Variants in SMARCAD1 observed in about 807,000 individuals in gnomAD.
SMARCAD1 encodes SWI/SNF-related matrix-associated actin-dependent regulator of chromatin subfamily A containing DEAD/H box 1.
A neutral mutation model predicts 127.1 loss-of-function variants in SMARCAD1; 25 were observed. The observed-to-expected ratio is 0.20, with a 90% CI of 0.14 to 0.27. The LOEUF (loss-of-function observed/expected upper bound fraction) is 0.27, where lower values mean the gene tolerates loss of function less well. Among genes scored for constraint, SMARCAD1 ranks in the 10% least tolerant of loss-of-function variants. The pLI, the probability that SMARCAD1 is intolerant of heterozygous loss-of-function variation, is 1.00. For synonymous variants in SMARCAD1, 400 were observed against 396.9 expected (o/e 1.01, Z -0.09); for missense variants, 807 against 1,206.0 (o/e 0.67, Z 4.90).
At chr4:94,243,027 C>T (rs1373812187) in intron 6 of SMARCAD1, among the ~76,000 whole-genome samples, 4 of 152,164 alleles carry the variant, frequency 2.6e-5, no homozygotes, top group Non-Finnish European at 4.4e-5. Context: ...GGCATGATCT[C>T]GGCTCACTGA....
Position 94,208,530 on chromosome 4 carries a change from G to T in SMARCAD1, c.136G>T (p.Glu46Ter). 6.2e-7 allele frequency: 1 copy of T among 1,614,164 alleles called. No homozygotes were observed. The highest frequency in any genetic ancestry group is 8.5e-7 in the Non-Finnish European group (1 of 1,180,024). The change falls in exon 2 of 24, where the codon GAA becomes TAA. Residue 46 changes from glutamate (E) to a stop codon, truncating the protein, a stop_gained. Transcript: ENST00000354268. LOFTEE classifies it high-confidence loss of function. Reference protein sequence around the residue: ...ISLSAEEENAEGEVSRANTPD... With the variant: ...ISLSAEEENA Reference sequence around the variant, plus strand: ...TCTTAGTGCTGAAGAGGAGAATGCTGAAGGGGAAGTTAGCAGGGCAAACAC... The same window carrying T: ...TCTTAGTGCTGAAGAGGAGAATGCTTAAGGGGAAGTTAGCAGGGCAAACAC...
intron 2 of SMARCAD1, among the ~76,000 whole-genome samples, chr4:94,217,279 G>T (rs1743346269): frequency 6.6e-6 from 1 of 151,950 alleles, no homozygotes; most frequent in African/African-American, 2.4e-5. Context: ...TTCATTTATT[G>T]AAAAATCCTT....
chr4:94,243,921 A>G (rs1748004301), intron 6 of SMARCAD1, among the ~76,000 whole-genome samples: 1 of 152,236 alleles, frequency 6.6e-6, no homozygotes, highest in Non-Finnish European at 1.5e-5. Flanking sequence ...TGTTTTGAGT[A>G]TTAAGGAGAA....
At position 94,208,468 on chromosome 4, in the gene SMARCAD1, C is replaced by T. The variant is rs1311954357; in HGVS notation, c.74C>T (p.Pro25Leu). ...ATTGAGGAAGCGCCCGAAGCAACCC[C>T]TCAACCTTCCCAGCCTGGCCCTTCT... ...NKIEEAPEAT[P>L]QPSQPGPSSP... The change falls in exon 2 of 24, where the codon CCT (proline) becomes CTT (leucine). Residue 25 changes from proline (P) to leucine (L), a missense_variant. This residue lies in a region of SMARCAD1 where 175 missense variants were observed against 169.5 expected (regional missense o/e 1.03). Transcript: ENST00000354268. The T allele has an allele frequency of 5.0e-6, 8 of 1,614,018 alleles. No individual in the cohort carries two copies. In the Admixed American group the frequency reaches 8.3e-5, roughly 17 times the overall value.
At chr4:94,249,632 C>CTT (rs765320730) in intron 6 of SMARCAD1, 22 bp from the exon 7 acceptor site, 40 of 1,158,798 alleles carry the variant, frequency 3.5e-5, no homozygotes, top group South Asian at 9.4e-5. Flanking sequence ...AAATTGTTTT[C>CTT]TTTTTTTTTT....
Position 94,228,935 on chromosome 4 carries a change from T to C in SMARCAD1, c.368+2639T>C, listed in dbSNP as rs1240861754. On this transcript the variant is annotated intron_variant, in intron 3 of 23. Transcript: ENST00000354268. ...GAATTTTTCTAAATTTGGGTTTAAC[T>C]AATGTTTCTTCATGGTTAAATTTAG... Among the ~76,000 whole-genome samples the C allele has an allele frequency of 2.0e-5, 3 of 152,138 alleles. No homozygotes were observed. In the East Asian group the frequency reaches 5.8e-4, roughly 29 times the overall value.
intron 9 of SMARCAD1, chr4:94,253,230 G>C: frequency 4.0e-6 from 6 of 1,502,148 alleles, no homozygotes; most frequent in Non-Finnish European, 5.3e-6. Flanking sequence ...AACCCAAGCT[G>C]ATTGGCTGGG....
chr4:94,246,863 G>C (rs1304945405), intron 6 of SMARCAD1, among the ~76,000 whole-genome samples: 2 of 152,146 alleles, frequency 1.3e-5, no homozygotes, highest in Non-Finnish European at 2.9e-5. Flanking sequence ...GATAAAAACG[G>C]ATTGTTTCTG....
chr4:94,273,896 T>C (rs1752895348), intron 12 of SMARCAD1, among the ~76,000 whole-genome samples, 180 bp downstream of exon 12: 2 of 152,222 alleles, frequency 1.3e-5, no homozygotes, highest in East Asian at 3.8e-4. Flanking sequence ...TTTGATTATA[T>C]TGGCAGTCTT....
intron 8 of SMARCAD1, among the ~76,000 whole-genome samples, chr4:94,251,861 A>G (rs1159231288): frequency 6.6e-6 from 1 of 151,246 alleles, no homozygotes; most frequent in African/African-American, 2.4e-5. Context: ...TTTATTTTTT[A>G]TTTTTTTTGA....
chr4:94,221,226 T>A (rs1214916366), intron 2 of SMARCAD1, among the ~76,000 whole-genome samples: 1 of 152,230 alleles, frequency 6.6e-6, no homozygotes, highest in Non-Finnish European at 1.5e-5. Flanking sequence ...AAAAGTAATT[T>A]TTTAATATAA....
chr4:94,289,069 AAAAT>A (rs1429349189), intron 23 of SMARCAD1, among the ~76,000 whole-genome samples: 1 of 151,838 alleles, frequency 6.6e-6, no homozygotes, highest in Non-Finnish European at 1.5e-5. Context: ...CTTTAGATGA[AAAAT>A]AAGAATATAG....
chr4:94,257,201 C>T (rs1006883183), intron 9 of SMARCAD1, among the ~76,000 whole-genome samples: 6 of 151,928 alleles, frequency 3.9e-5, no homozygotes, highest in African/African-American at 1.5e-4. Flanking sequence ...CTTTCTTCCT[C>T]CTGAAAAAAA....
At chr4:94,281,432 C>G in intron 20 of SMARCAD1, 40 bp from the exon 21 acceptor site, 1 of 1,392,356 alleles carries the variant, frequency 7.2e-7, no homozygotes, top group Non-Finnish European at 1.0e-6. Context: ...AGTAGTAAAA[C>G]GATTTTTTCT....
In SMARCAD1 at chr4:94,214,323, C is replaced by T. The variant is rs553428994; in HGVS notation, c.190+5739C>T. Among the ~76,000 whole-genome samples, 155 of 147,194 alleles carry T rather than the reference C, an allele frequency of 1.1e-3. 1 individual carries two copies. Among genetic ancestry groups the T allele is most frequent in the Middle Eastern group, 3.6e-3 (1 of 280 alleles). On this transcript the variant is annotated intron_variant, in intron 2 of 23. Transcript: ENST00000354268. ...TGTCACCCAGGCTGGAGTGCAGTGG[C>T]GCAATCTCAACTCACTGCAATCTCT...
intron 23 of SMARCAD1, among the ~76,000 whole-genome samples, 161 bp downstream of exon 23, chr4:94,285,230 AAAT>A (rs1754761612): frequency 6.6e-6 from 1 of 152,170 alleles, no homozygotes; most frequent in African/African-American, 2.4e-5. Context: ...CAAAATACTA[AAAT>A]AATTTTTTTG....
At chr4:94,209,193 A>G (rs990207886) in intron 2 of SMARCAD1, among the ~76,000 whole-genome samples, 12 of 152,240 alleles carry the variant, frequency 7.9e-5, no homozygotes, top group African/African-American at 1.9e-4. Flanking sequence ...ACTCGAATCT[A>G]TGTTCATTGA....
intron 9 of SMARCAD1, among the ~76,000 whole-genome samples, chr4:94,259,921 A>G (rs552761666): frequency 2.0e-5 from 3 of 152,336 alleles, no homozygotes; most frequent in East Asian, 1.9e-4. Flanking sequence ...CATAAATGCC[A>G]TAGTGTTTGT....
chr4:94,234,471 A>T (rs1485337187), intron 4 of SMARCAD1, among the ~76,000 whole-genome samples: 2 of 152,174 alleles, frequency 1.3e-5, no homozygotes, highest in Non-Finnish European at 2.9e-5. Flanking sequence ...AAGGGTTTTT[A>T]GTGGCATTTA....
Sources: gnomAD v4.1 joint callset for allele counts (sites outside exome capture counted in the v4.1 genomes callset) on GRCh38, gnomAD v4.1.1 for gene constraint, gnomAD v4.1.1 regional missense constraint, MANE v1.5 for transcripts, NCBI Gene and HGNC (gene_info 2026-07-23, HGNC 2026-07-21) for gene names.